ADAM29: variants seen among roughly 807,000 people sequenced by gnomAD.
ADAM29 encodes disintegrin and metalloproteinase domain-containing protein 29.
For synonymous variants in ADAM29, 367 were observed against 342.3 expected (o/e 1.07, Z -0.80); for missense variants, 969 against 1,001.8 (o/e 0.97, Z 0.44).
At chr4:174,971,081 CT>C (rs1472827131) in intron 4 of ADAM29, among the ~76,000 whole-genome samples, 2 of 151,930 alleles carry the variant, frequency 1.3e-5, no homozygotes, top group Non-Finnish European at 1.5e-5. Context: ...TATTTTATTT[CT>C]TTTTTTAATA....
rs1016601255 is a variant in ADAM29 at position 174,976,292 on chromosome 4, T to A, written c.767T>A (p.Leu256His). ...FGLEIWTNKNLIVVDDVRKSV... is the reference protein window; with the variant it reads ...FGLEIWTNKNHIVVDDVRKSV... The stretch of plus-strand genomic sequence containing the variant: ...TTGGAGATCTGGACCAATAAAAACC[T>A]CATTGTAGTAGATGATGTAAGGAAA... The change falls in exon 5 of 5, where the codon CTC (leucine) becomes CAC (histidine). Residue 256 changes from leucine to histidine, a missense_variant. Physicochemically the swap from Leu to His is moderately conservative, Grantham distance 99. Coordinates refer to ENST00000359240, the MANE Select transcript of ADAM29 (RefSeq NM_014269.4). 2 of 1,612,136 alleles carry A rather than the reference T, an allele frequency of 1.2e-6. No homozygotes were observed. Among genetic ancestry groups the A allele is most frequent in the South Asian group, 1.1e-5 (1 of 90,494 alleles).
chr4:174,962,625 T>G (rs1388292262), intron 4 of ADAM29, among the ~76,000 whole-genome samples: 4 of 152,248 alleles, frequency 2.6e-5, no homozygotes, highest in Non-Finnish European at 5.9e-5. Context: ...AGAGTGGATT[T>G]TAAGTGTTTT....
At chr4:174,935,431 T>C (rs1484435118) in intron 3 of ADAM29, among the ~76,000 whole-genome samples, 1 of 152,110 alleles carries the variant, frequency 6.6e-6, no homozygotes, top group East Asian at 1.9e-4. Context: ...AGGGAACCAT[T>C]CTCAGAGATC....
intron 4 of ADAM29, among the ~76,000 whole-genome samples, chr4:174,958,558 TA>T (rs1386005076): frequency 6.6e-6 from 1 of 151,830 alleles, no homozygotes; most frequent in Non-Finnish European, 1.5e-5. Flanking sequence ...GCAGACAGCA[TA>T]TAGCTGGGGC....
chr4:174,963,117 A>G (rs958029843), intron 4 of ADAM29, among the ~76,000 whole-genome samples: 3 of 152,190 alleles, frequency 2.0e-5, no homozygotes, highest in Non-Finnish European at 4.4e-5. Flanking sequence ...ATTAACTTCC[A>G]TGTACATGGG....
At chr4:174,972,020 C>T (rs774126452) in intron 4 of ADAM29, among the ~76,000 whole-genome samples, 2 of 152,178 alleles carry the variant, frequency 1.3e-5, no homozygotes, top group South Asian at 4.1e-4. Flanking sequence ...TTGCGTTCCT[C>T]AGCTTCAAGA....
At position 174,975,725 on chromosome 4, in the gene ADAM29, T is replaced by C. The variant is rs777527289; in HGVS notation, c.200T>C (p.Ile67Thr). The change falls in exon 5 of 5, where the codon ATA becomes ACA. Residue 67 changes from isoleucine to threonine, a missense_variant. Ile to Thr is a moderately conservative substitution (Grantham distance 89). Transcript: ENST00000359240. ...PFGGQKHIIH[I>T]KVKKLLFSKH... ...GGAGGCCAGAAACACATTATCCACA[T>C]AAAGGTCAAGAAGCTTTTGTTTTCC... 1.2e-6 allele frequency: 2 copies of C among 1,612,168 alleles called. No individual in the cohort carries two copies. The highest frequency in any genetic ancestry group is 3.3e-5 in the Admixed American group (2 of 59,756).
intron 3 of ADAM29, among the ~76,000 whole-genome samples, chr4:174,932,252 A>G (rs1384327782): frequency 6.6e-6 from 1 of 152,040 alleles, no homozygotes; most frequent in African/African-American, 2.4e-5. Flanking sequence ...ATGCCATTGC[A>G]TTCCAGCCTG....
At chr4:174,934,860 G>A (rs1051527233) in intron 3 of ADAM29, among the ~76,000 whole-genome samples, 1 of 152,090 alleles carries the variant, frequency 6.6e-6, no homozygotes, top group Non-Finnish European at 1.5e-5. Context: ...ATTATAATTA[G>A]ATGCAAAAAG....
At chr4:174,934,512 T>C (rs1744092473) in intron 3 of ADAM29, among the ~76,000 whole-genome samples, 1 of 152,194 alleles carries the variant, frequency 6.6e-6, no homozygotes, top group Non-Finnish European at 1.5e-5. Flanking sequence ...TTTTCTAGTG[T>C]CAATTGCAAT....
rs1743119991 is a variant in ADAM29, at chr4:174,920,797, G to GTATCTTTGCAGTAAGATAATGTAAT, written c.-451+12_-451+36dup. Reference sequence around the variant, plus strand: ...GAGAAAATAAAGATGCTTAATGTAAGTATCTTTGCAGTAAGATAATGTAAT... The same window carrying GTATCTTTGCAGTAAGATAATGTAAT: ...GAGAAAATAAAGATGCTTAATGTAAGTATCTTTGCAGTAAGATAATGTAATTATCTTTGCAGTAAGATAATGTAAT... On this transcript the variant is annotated splice_donor_region_variant and intron_variant, in intron 2 of 4. Coordinates refer to ENST00000359240, the MANE Select transcript of ADAM29 (RefSeq NM_014269.4). 1 of 152,072 alleles carries GTATCTTTGCAGTAAGATAATGTAAT rather than the reference G, an allele frequency of 6.6e-6. No individual in the cohort carries two copies. Among genetic ancestry groups the GTATCTTTGCAGTAAGATAATGTAAT allele is most frequent in the Non-Finnish European group, 1.5e-5 (1 of 68,000 alleles). The allele number at this position is 152,072 out of a possible 1,614,324, so 9.4% of individuals were successfully genotyped here.
chr4:174,941,865 C>T (rs939317150), intron 4 of ADAM29, among the ~76,000 whole-genome samples: 13 of 152,112 alleles, frequency 8.5e-5, no homozygotes, highest in African/African-American at 1.4e-4. Context: ...AAAAAAAGTC[C>T]CTTTTGCATA....
chr4:174,959,990 A>AT (rs1482369991), intron 4 of ADAM29, among the ~76,000 whole-genome samples: 2 of 152,190 alleles, frequency 1.3e-5, no homozygotes, highest in East Asian at 3.9e-4. Context: ...AATGAATCCA[A>AT]TAAAAGACTA....
chr4:174,950,394 T>C (rs531450013), intron 4 of ADAM29, among the ~76,000 whole-genome samples: 1 of 152,316 alleles, frequency 6.6e-6, no homozygotes, highest in Non-Finnish European at 1.5e-5. Context: ...TATATATTGT[T>C]AGTGGCATAA....
chr4:174,949,377 G>A (rs1156283073), intron 4 of ADAM29, among the ~76,000 whole-genome samples: 1 of 152,172 alleles, frequency 6.6e-6, no homozygotes, highest in African/African-American at 2.4e-5. Flanking sequence ...CTAGAGCCCT[G>A]CCGTGTCATT....
chr4:174,941,954 A>T (rs1744564349), intron 4 of ADAM29, among the ~76,000 whole-genome samples: 1 of 152,208 alleles, frequency 6.6e-6, no homozygotes, highest in Non-Finnish European at 1.5e-5. Flanking sequence ...TTCCATTCCA[A>T]AAGGGAAAAA....
chr4:174,934,797 T>C (rs1467764729), intron 3 of ADAM29, among the ~76,000 whole-genome samples: 3 of 152,114 alleles, frequency 2.0e-5, no homozygotes, highest in Non-Finnish European at 4.4e-5. Context: ...GTCTAGTGAG[T>C]CTGTTCATCT....
At chr4:174,952,810 C>T (rs1287983347) in intron 4 of ADAM29, among the ~76,000 whole-genome samples, 1 of 152,100 alleles carries the variant, frequency 6.6e-6, no homozygotes, top group Admixed American at 6.5e-5. Flanking sequence ...CTACCCTGGG[C>T]ATAGTACCCG....
At chr4:174,921,080 G>A (rs983311625) in intron 2 of ADAM29, among the ~76,000 whole-genome samples, 1 of 152,084 alleles carries the variant, frequency 6.6e-6, no homozygotes, top group African/African-American at 2.4e-5. Context: ...TGGTTCTACA[G>A]TAAGAAAACT....
Sources: gnomAD v4.1 joint callset for allele counts (sites outside exome capture counted in the v4.1 genomes callset) on GRCh38, gnomAD v4.1.1 for gene constraint, MANE v1.5 for transcripts, NCBI Gene and HGNC (gene_info 2026-07-23, HGNC 2026-07-21) for gene names.